The following UBE2O variants were observed in gnomAD, a reference collection of about 807,000 sequenced individuals.
The protein encoded by UBE2O is (E3-independent) E2 ubiquitin-conjugating enzyme.
In UBE2O, 15 loss-of-function variants were observed where a neutral mutation model predicts 125.8. The ratio of observed to expected loss-of-function variants is 0.12; its 90% CI spans 0.08 to 0.18. UBE2O has a LOEUF of 0.18. Among genes scored for constraint, UBE2O ranks in the 10% least tolerant of loss-of-function variants. The probability of loss-of-function intolerance (pLI) is 1.00; values close to 1 mark genes in which losing one functional copy is unlikely to be tolerated. For synonymous variants in UBE2O, 708 were observed against 703.2 expected (o/e 1.01, Z -0.11); for missense variants, 1,280 against 1,723.6 (o/e 0.74, Z 4.56).
intron 1 of UBE2O, among the ~76,000 whole-genome samples, chr17:76,436,563 C>CT (rs1309896189): frequency 6.6e-6 from 1 of 152,142 alleles, no homozygotes; most frequent in Middle Eastern, 3.2e-3. Context: ...CCCCGAGAGC[C>CT]TAGACGATGC....
At chr17:76,442,792 G>A (rs2073093981) in intron 1 of UBE2O, among the ~76,000 whole-genome samples, 1 of 152,186 alleles carries the variant, frequency 6.6e-6, no homozygotes, top group African/African-American at 2.4e-5. Context: ...GCCCTTTGGA[G>A]GTCAGTTGGC....
At chr17:76,440,690 C>A (rs1343980307) in intron 1 of UBE2O, among the ~76,000 whole-genome samples, 1 of 152,192 alleles carries the variant, frequency 6.6e-6, no homozygotes, top group African/African-American at 2.4e-5. Flanking sequence ...CCTTCCAGAG[C>A]AGAGGTGGGA....
chr17:76,418,951 G>C (rs1351433583), intron 1 of UBE2O, among the ~76,000 whole-genome samples: 1 of 152,074 alleles, frequency 6.6e-6, no homozygotes, highest in Non-Finnish European at 1.5e-5. Context: ...TTTCTGGGTG[G>C]AGAGATTAAT....
rs140008685 is a variant in UBE2O, at chr17:76,399,625, A to G, written c.1452T>C (p.Ala484=). ...AACTGGTGTCGTCCGTGTCATCAGC[A>G]GCCTCATCATCTGCGTCCTGCTCTG... ...HSAEQDADDE[A]ADDTDDTSSV... is the part of the protein sequence containing the mutation. The change falls in exon 9 of 18, where the codon GCT becomes GCC. Residue 484 remains alanine, a synonymous_variant. Coordinates refer to ENST00000319380, the MANE Select transcript of UBE2O (RefSeq NM_022066.4). The surrounding 1 kb of genome is among the most constrained non-coding windows in gnomAD (Gnocchi z 6.9). 3.7e-6 allele frequency: 6 copies of G among 1,613,998 alleles called. No individual in the cohort carries two copies. The African/African-American group carries it at 8.0e-5, about 22-fold the overall frequency.
At chr17:76,447,071 C>G (rs2073163642) in intron 1 of UBE2O, among the ~76,000 whole-genome samples, 1 of 152,222 alleles carries the variant, frequency 6.6e-6, no homozygotes, top group South Asian at 2.1e-4. Context: ...TCCCAACATC[C>G]TGTGCCTCTC....
chr17:76,423,234 C>T (rs1213545609), intron 1 of UBE2O, among the ~76,000 whole-genome samples: 1 of 152,086 alleles, frequency 6.6e-6, no homozygotes, highest in African/African-American at 2.4e-5. Flanking sequence ...TGGGGTCAAG[C>T]TGGGCACGGT....
chr17:76,448,874 G>A (rs182603369), intron 1 of UBE2O, among the ~76,000 whole-genome samples: 2 of 152,386 alleles, frequency 1.3e-5, no homozygotes, highest in East Asian at 3.9e-4. Context: ...ATGGGGAAGG[G>A]GCAAGCCTCC....
At chr17:76,428,498 T>A (rs566994695) in intron 1 of UBE2O, among the ~76,000 whole-genome samples, 1 of 152,342 alleles carries the variant, frequency 6.6e-6, no homozygotes, top group African/African-American at 2.4e-5. Context: ...AACTTTTTAT[T>A]TCATGGATAA....
chr17:76,423,005 G>A (rs1315634976), intron 1 of UBE2O, among the ~76,000 whole-genome samples: 6 of 152,208 alleles, frequency 3.9e-5, no homozygotes, highest in African/African-American at 9.6e-5. Flanking sequence ...CCAGTGCCAC[G>A]GGGAAGTGTC....
chr17:76,407,043 G>A (rs1254321880), intron 1 of UBE2O, among the ~76,000 whole-genome samples: 1 of 152,120 alleles, frequency 6.6e-6, no homozygotes, highest in African/African-American at 2.4e-5. Flanking sequence ...TAAACGCAGG[G>A]TTCTTGAGTC....
rs76758803 is a variant in UBE2O, at chr17:76,438,986, G to A, written c.417+13739C>T. Among the ~76,000 whole-genome samples, 4 of 152,172 alleles carry A rather than the reference G, an allele frequency of 2.6e-5. No individual in the cohort carries two copies. The East Asian group carries it at 5.8e-4, about 22-fold the overall frequency. On this transcript the variant is annotated intron_variant, in intron 1 of 17. Coordinates refer to ENST00000319380, the MANE Select transcript of UBE2O (RefSeq NM_022066.4). ...CCCACATTCCACCTTGTAAACTGCCGCCAAATCACCCATTGTAAACTCTGA... is the reference window on the plus strand; with the variant it reads ...CCCACATTCCACCTTGTAAACTGCCACCAAATCACCCATTGTAAACTCTGA...
intron 1 of UBE2O, among the ~76,000 whole-genome samples, chr17:76,449,545 A>T (rs2073201806): frequency 6.6e-6 from 1 of 152,248 alleles, no homozygotes; most frequent in Non-Finnish European, 1.5e-5. Flanking sequence ...ACTGCACTCC[A>T]GCCTGGGTGA....
rs1013537269 is a variant in UBE2O, at chr17:76,453,124, G to T, written c.18C>A (p.Ala6=). 1.3e-6 allele frequency: 1 copy of T among 747,208 alleles called. No individual in the cohort carries two copies. Among genetic ancestry groups the T allele is most frequent in the African/African-American group, 1.8e-5 (1 of 54,096 alleles). The allele number at this position is 747,208 out of a possible 1,614,324, so 46.3% of individuals were successfully genotyped here. A position where few individuals can be genotyped will look rare whatever the true frequency, so the allele number is the denominator to read the frequency against. The change falls in exon 1 of 18, where the codon GCC becomes GCA. Residue 6 remains alanine (A), a synonymous_variant. Transcript: ENST00000319380. ...CTGGAGCGGGAGCTGCGGGCGTGGG[G>T]GCTGCGGGATCCGCCATAACTGCTC... MADPA[A]PTPAAPAPAQ...
At chr17:76,417,472 C>T (rs1383560466) in intron 1 of UBE2O, among the ~76,000 whole-genome samples, 1 of 152,214 alleles carries the variant, frequency 6.6e-6, no homozygotes, top group African/African-American at 2.4e-5. Context: ...ACCAGGAGAG[C>T]TATCTGAAGA....
intron 1 of UBE2O, among the ~76,000 whole-genome samples, chr17:76,448,773 G>A (rs1345009897): frequency 1.3e-5 from 2 of 152,264 alleles, no homozygotes; most frequent in African/African-American, 4.8e-5. Context: ...AGACCAGAAG[G>A]ACCCACCACG....
chr17:76,446,359 A>G (rs1002172545), intron 1 of UBE2O, among the ~76,000 whole-genome samples: 3 of 152,196 alleles, frequency 2.0e-5, no homozygotes, highest in African/African-American at 7.2e-5. Context: ...GCTGGCCCCC[A>G]ACAGGTTCCA....
chr17:76,447,158 C>G (rs1335936986), intron 1 of UBE2O, among the ~76,000 whole-genome samples: 1 of 152,238 alleles, frequency 6.6e-6, no homozygotes. Context: ...ATGCCAACCA[C>G]AAGGCTTGTG....
intron 1 of UBE2O, among the ~76,000 whole-genome samples, chr17:76,433,839 T>C (rs935080759): frequency 6.6e-6 from 1 of 151,996 alleles, no homozygotes; most frequent in Non-Finnish European, 1.5e-5. Context: ...CTGGGCAACA[T>C]AGTGAGATGG....
In UBE2O at chr17:76,398,538, C is replaced by T. The variant is rs201991279; in HGVS notation, c.1830G>A (p.Gly610=). 157 of 1,614,088 alleles carry T rather than the reference C, an allele frequency of 9.7e-5. No individual in the cohort carries two copies. The East Asian group carries it at 3.1e-3, about 32-fold the overall frequency. The change falls in exon 11 of 18, where the codon GGG becomes GGA. Residue 610 remains glycine (G), a synonymous_variant. Coordinates refer to ENST00000319380, the MANE Select transcript of UBE2O (RefSeq NM_022066.4). This position sits in a 1 kb window ranked among gnomAD's most constrained non-coding sequence, Gnocchi z 5.4. The part of the protein sequence containing the change: ...DPAVYGVVQS[G]DHIGRTCMVK... ...CCATGCAGGTACGGCCGATGTGGTC[C>T]CCAGACTGTACCACACCGTAGACAG... is the stretch of plus-strand genomic sequence containing the variant.
Sources: allele counts gnomAD v4.1 joint callset (sites outside exome capture counted in the v4.1 genomes callset), GRCh38; gene constraint gnomAD v4.1.1; non-coding constraint Gnocchi (gnomAD v3.1); transcripts MANE v1.5; gene names NCBI Gene and HGNC (gene_info 2026-07-23, HGNC 2026-07-21).